The following MGAT4D variants were observed in gnomAD, a reference collection of about 807,000 sequenced individuals.
MGAT4D encodes the protein MGAT4 family member D.
In MGAT4D, 34 loss-of-function variants were observed where a neutral mutation model predicts 15.9. The ratio of observed to expected loss-of-function variants is 2.14; its 90% CI spans 1.62 to 2.84. The LOEUF is 2.84. Ranked by LOEUF, MGAT4D falls within the 30% of genes most tolerant of loss-of-function variation. The pLI is 0.00. For missense variants in MGAT4D, 327 were observed against 140.2 expected (o/e 2.33, Z -6.73); for synonymous variants, 112 against 48.2 (o/e 2.33, Z -5.49).
chr4:140,476,253 A>T (rs1260749370), intron 3 of MGAT4D, among the ~76,000 whole-genome samples: 1 of 152,118 alleles, frequency 6.6e-6, no homozygotes, highest in Admixed American at 6.6e-5. Flanking sequence ...TGTCAGTTAT[A>T]TGTGTTATTA....
At chr4:140,469,768 T>C (rs1731793433) in intron 5 of MGAT4D, among the ~76,000 whole-genome samples, 1 of 152,242 alleles carries the variant, frequency 6.6e-6, no homozygotes, top group African/African-American at 2.4e-5. Context: ...TTGTTTTGTT[T>C]AAGTCGGGGG....
chr4:140,475,091 A>G (rs544623343), intron 3 of MGAT4D, 145 bp from the exon 4 acceptor site: 1 of 407,368 alleles, frequency 2.5e-6, no homozygotes, highest in East Asian at 3.6e-5. Flanking sequence ...AATAATCCAA[A>G]CTATGTTAAT....
intron 6 of MGAT4D, among the ~76,000 whole-genome samples, chr4:140,463,361 G>C (rs1578662594): frequency 1.3e-5 from 2 of 152,240 alleles, no homozygotes; most frequent in South Asian, 4.1e-4. Flanking sequence ...GGGGCAGGGT[G>C]AATGGGAAAT....
At chr4:140,484,552 G>A (rs1287398005) in intron 1 of MGAT4D, among the ~76,000 whole-genome samples, 3 of 152,200 alleles carry the variant, frequency 2.0e-5, no homozygotes, top group African/African-American at 7.2e-5. Flanking sequence ...TTGACAAATG[G>A]GATCTAATTA....
chr4:140,491,697 G>T (rs1344814808), intron 1 of MGAT4D, among the ~76,000 whole-genome samples: 1 of 151,828 alleles, frequency 6.6e-6, no homozygotes, highest in Admixed American at 6.6e-5. Context: ...GCAGGAGATG[G>T]ATATCCCTTA....
At chr4:140,457,678 A>G (rs536392974) in intron 8 of MGAT4D, 2 of 152,226 alleles carry the variant, frequency 1.3e-5, no homozygotes, top group Non-Finnish European at 2.9e-5. Flanking sequence ...TCCCATAAAT[A>G]GTGCTCCTTG....
intron 5 of MGAT4D, among the ~76,000 whole-genome samples, chr4:140,468,715 T>A (rs2126765259): frequency 6.6e-6 from 1 of 152,256 alleles, no homozygotes; most frequent in Admixed American, 6.5e-5. Flanking sequence ...ATGTATATGG[T>A]GTTTTGTTTA....
intron 4 of MGAT4D, among the ~76,000 whole-genome samples, chr4:140,472,914 GTTC>G (rs1212881661): frequency 6.6e-6 from 1 of 151,976 alleles, no homozygotes; most frequent in East Asian, 1.9e-4. Flanking sequence ...TTTTCTAATA[GTTC>G]TTCTATTGCT....
intron 10 of MGAT4D, among the ~76,000 whole-genome samples, chr4:140,444,676 T>C (rs1729971334): frequency 6.6e-6 from 1 of 152,134 alleles, no homozygotes; most frequent in Non-Finnish European, 1.5e-5. Context: ...GAGGAACATA[T>C]GTGTGCATGT....
intron 4 of MGAT4D, 60 bp from the exon 5 acceptor site, chr4:140,471,881 A>C: frequency 3.0e-6 from 1 of 337,092 alleles, no homozygotes; most frequent in East Asian, 4.8e-5. Flanking sequence ...TATTAATACA[A>C]CTTCTTTTGC....
At chr4:140,476,882 A>G (rs567307399) in intron 3 of MGAT4D, among the ~76,000 whole-genome samples, 5 of 152,146 alleles carry the variant, frequency 3.3e-5, no homozygotes, top group Admixed American at 3.3e-4. Flanking sequence ...TTTTGTTGTA[A>G]CTCATTCCTA....
intron 1 of MGAT4D, among the ~76,000 whole-genome samples, 157 bp downstream of exon 1, chr4:140,497,972 G>C (rs1411785143): frequency 6.6e-6 from 1 of 152,146 alleles, no homozygotes; most frequent in East Asian, 1.9e-4. Context: ...GCGCGGCCTC[G>C]GGAAGGCACC....
At chr4:140,466,958 C>T (rs1731576736) in intron 5 of MGAT4D, among the ~76,000 whole-genome samples, 1 of 151,968 alleles carries the variant, frequency 6.6e-6, no homozygotes, top group Non-Finnish European at 1.5e-5. Flanking sequence ...TTCCTAACTT[C>T]AAGGAAGTAA....
rs150322941 is a variant in MGAT4D, at chr4:140,476,706, C to T, written c.392-1760G>A. Among the ~76,000 whole-genome samples the T allele has an allele frequency of 3.9e-5, 6 of 152,286 alleles. No homozygotes were observed. The East Asian group carries it at 7.7e-4, about 20-fold the overall frequency. ...ACTCTTACCTCGAAGCCTTTGCACA[C>T]GCCATTCTTTTTGCCTAGAATACTC... On this transcript the variant is annotated intron_variant, in intron 3 of 10. Transcript: ENST00000511113.
At chr4:140,474,415 T>C (rs1732179167) in intron 4 of MGAT4D, among the ~76,000 whole-genome samples, 1 of 152,212 alleles carries the variant, frequency 6.6e-6, no homozygotes, top group Non-Finnish European at 1.5e-5. Flanking sequence ...ATACAAATTA[T>C]CTCTTGATTC....
chr4:140,470,114 T>C (rs553573880), intron 5 of MGAT4D, among the ~76,000 whole-genome samples: 1 of 152,352 alleles, frequency 6.6e-6, no homozygotes, highest in African/African-American at 2.4e-5. Flanking sequence ...TTTAATGTCC[T>C]CTCCTTCCCG....
At position 140,479,601 on chromosome 4, in the gene MGAT4D, T is replaced by C; in HGVS notation, c.280A>G (p.Lys94Glu). 1 of 504,292 alleles carries C rather than the reference T, an allele frequency of 2.0e-6. No individual in the cohort carries two copies. Among genetic ancestry groups the C allele is most frequent in the Non-Finnish European group, 3.5e-6 (1 of 286,094 alleles). The allele number at this position is 504,292 out of a possible 1,614,324, so 31.2% of individuals were successfully genotyped here. A position where few individuals can be genotyped will look rare whatever the true frequency, so the allele number is the denominator to read the frequency against. ...AATGTATTAGATACTGTTTCATTTT[T>C]ATTTAATATGTCTGCTTTCTGTGCA... ...LVAQKADILN[K>E]NETVSNTFED... The change falls in exon 3 of 11, where the codon AAA becomes GAA. Residue 94 changes from lysine to glutamate, a missense_variant. Lys to Glu is a moderately conservative substitution (Grantham distance 56, BLOSUM62 1). Transcript: ENST00000511113.
intron 3 of MGAT4D, among the ~76,000 whole-genome samples, chr4:140,476,493 T>C (rs1732341741): frequency 6.6e-6 from 1 of 152,224 alleles, no homozygotes; most frequent in South Asian, 2.1e-4. Flanking sequence ...CCACCTGGAA[T>C]TGATTTTTAT....
At chr4:140,479,687 A>G (rs532213556) in intron 2 of MGAT4D, 60 bp from the exon 3 acceptor site, 2 of 374,278 alleles carry the variant, frequency 5.3e-6, no homozygotes, top group South Asian at 2.7e-4. Flanking sequence ...TCCCCCTGGA[A>G]TAATTTTTTC....
Sources: allele counts gnomAD v4.1 joint callset (sites outside exome capture counted in the v4.1 genomes callset), GRCh38; gene constraint gnomAD v4.1.1; transcripts MANE v1.5; gene names NCBI Gene and HGNC (gene_info 2026-07-23, HGNC 2026-07-21).